The following DNAH6 variants were observed in gnomAD, a reference collection of about 807,000 sequenced individuals.
The protein encoded by DNAH6 is dynein axonemal heavy chain 6, also known as axonemal beta dynein heavy chain 6.
DNAH6 carries 340 observed loss-of-function variants against 491.4 expected under a neutral mutation model. The observed-to-expected ratio is 0.69, with a 90% CI of 0.63 to 0.76. The LOEUF (loss-of-function observed/expected upper bound fraction) is 0.76. Among genes scored for constraint, DNAH6 ranks in the 30% least tolerant of loss-of-function variants. The probability of loss-of-function intolerance (pLI) is 0.00; values close to 1 mark genes in which losing one functional copy is unlikely to be tolerated. For synonymous variants in DNAH6, 1,603 were observed against 1,686.1 expected, an observed-to-expected ratio of 0.95 and a Z score of 1.21; for missense variants, 4,443 against 4,972.2, an observed-to-expected ratio of 0.89 and a Z score of 3.20.
At chr2:84,688,941 A>G (rs1182892093) in intron 45 of DNAH6, among the ~76,000 whole-genome samples, 1 of 152,214 alleles carries the variant, frequency 6.6e-6, no homozygotes, top group African/African-American at 2.4e-5. Context: ...AGGAGCTTCA[A>G]AATTATAGCA....
chr2:84,468,102 A>T, the DNAH6 span, among the ~76,000 whole-genome samples: 1 of 152,220 alleles, frequency 6.6e-6, no homozygotes, highest in African/African-American at 2.4e-5. Flanking sequence ...AATAGTTTTT[A>T]AAGCTGTTTT....
chr2:84,553,558 G>C (rs556149778), intron 10 of DNAH6, among the ~76,000 whole-genome samples: 1 of 149,744 alleles, frequency 6.7e-6, no homozygotes, highest in African/African-American at 2.5e-5. Context: ...AACCTCCAAG[G>C]CTCAAGCAAT....
intron 53 of DNAH6, among the ~76,000 whole-genome samples, chr2:84,707,232 C>T (rs1389924021): frequency 2.6e-5 from 4 of 152,156 alleles, no homozygotes; most frequent in Admixed American, 6.5e-5. Flanking sequence ...AAACACAAAA[C>T]AGTATGTGAA....
the DNAH6 span, among the ~76,000 whole-genome samples, chr2:84,481,743 T>A: frequency 1.3e-5 from 2 of 152,330 alleles, no homozygotes; most frequent in East Asian, 3.9e-4. Flanking sequence ...AGGCAGGAAG[T>A]GACCTACCGG....
the DNAH6 span, among the ~76,000 whole-genome samples, chr2:84,506,998 C>A: frequency 1.3e-5 from 2 of 152,150 alleles, no homozygotes; most frequent in East Asian, 3.9e-4. Flanking sequence ...AGTCAGGTAG[C>A]GTGATGCCTC....
chr2:84,709,069 A>G (rs1484862403), intron 54 of DNAH6, among the ~76,000 whole-genome samples: 2 of 152,258 alleles, frequency 1.3e-5, no homozygotes, highest in Non-Finnish European at 2.9e-5. Flanking sequence ...AACCACTGCG[A>G]CAACCCAGTC....
At chr2:84,767,662 GAAGAT>G (rs571650756) in intron 64 of DNAH6, among the ~76,000 whole-genome samples, 72 of 152,174 alleles carry the variant, frequency 4.7e-4, no homozygotes, top group African/African-American at 1.7e-3. Context: ...AGATGGAAGA[GAAGAT>G]AAGAGGCAGA....
rs1343355743 is a variant in DNAH6, at chr2:84,549,996, C to T, written c.1424C>T (p.Pro475Leu). 1 of 1,613,946 alleles carries T rather than the reference C, an allele frequency of 6.2e-7. No homozygotes were observed. The highest frequency in any genetic ancestry group is 1.1e-5 in the South Asian group (1 of 91,066). ...NHLTDKLKRT[P>L]SADVIQKWIT... ...CTCACTGACAAGCTAAAACGAACAC[C>T]TTCAGCAGATGTCATTCAGAAATGG... The change falls in exon 9 of 77, where the codon CCT becomes CTT. Residue 475 changes from proline to leucine, a missense_variant. By Grantham distance (98) the Pro-to-Leu change is moderately conservative (BLOSUM62 -3). This residue lies in a region of DNAH6 where 2,977 missense variants were observed against 3,296.6 expected (regional missense o/e 0.90). Coordinates refer to ENST00000389394, the MANE Select transcript of DNAH6 (RefSeq NM_001370.2).
chr2:84,780,779 CT>C (rs200241189), intron 64 of DNAH6, among the ~76,000 whole-genome samples: 44 of 140,472 alleles, frequency 3.1e-4, no homozygotes, highest in Admixed American at 4.9e-4. Flanking sequence ...TTCGTTGAGG[CT>C]TTTTTTTTTG....
At chr2:84,770,346 C>A (rs551787025) in intron 64 of DNAH6, among the ~76,000 whole-genome samples, 1 of 152,132 alleles carries the variant, frequency 6.6e-6, no homozygotes, top group South Asian at 2.1e-4. Flanking sequence ...ATGACCCATT[C>A]AAAAACAATA....
intron 40 of DNAH6, among the ~76,000 whole-genome samples, chr2:84,675,261 T>C (rs1466135392): frequency 6.6e-6 from 1 of 152,154 alleles, no homozygotes; most frequent in Non-Finnish European, 1.5e-5. Flanking sequence ...GCTCCTGACC[T>C]CCATCTCCCT....
the DNAH6 span, among the ~76,000 whole-genome samples, chr2:84,478,665 G>A: frequency 2.0e-5 from 3 of 152,224 alleles, no homozygotes; most frequent in South Asian, 4.2e-4. Flanking sequence ...GTACCCCGGG[G>A]ACCAAGCATG....
At chr2:84,524,656 G>T (rs563990034) in intron 2 of DNAH6, among the ~76,000 whole-genome samples, 1 of 151,974 alleles carries the variant, frequency 6.6e-6, no homozygotes, top group Admixed American at 6.6e-5. Flanking sequence ...CTCAACATCT[G>T]CATATTTGTT....
intron 9 of DNAH6, among the ~76,000 whole-genome samples, chr2:84,550,899 G>A (rs947354213): frequency 6.6e-6 from 1 of 152,136 alleles, no homozygotes; most frequent in Admixed American, 6.5e-5. Flanking sequence ...CTTTTATGAG[G>A]ATGTTGATCT....
chr2:84,495,198 T>G, the DNAH6 span, among the ~76,000 whole-genome samples: 1 of 152,232 alleles, frequency 6.6e-6, no homozygotes, highest in East Asian at 1.9e-4. Flanking sequence ...AGAGTCTTGC[T>G]CTGTTGCCCA....
chr2:84,715,427 G>A, intron 57 of DNAH6, 133 bp from the exon 58 acceptor site: 3 of 715,974 alleles, frequency 4.2e-6, no homozygotes, highest in South Asian at 2.0e-5. Flanking sequence ...TAAAGTATGT[G>A]TGGGGGTAGG....
intron 33 of DNAH6, among the ~76,000 whole-genome samples, chr2:84,642,633 A>C (rs1475290314): frequency 6.6e-6 from 1 of 151,584 alleles, no homozygotes; most frequent in Non-Finnish European, 1.5e-5. Flanking sequence ...GACTTTTTTC[A>C]GTGGTTGCCC....
At chr2:84,492,980 C>T in the DNAH6 span, among the ~76,000 whole-genome samples, 4 of 151,860 alleles carry the variant, frequency 2.6e-5, no homozygotes, top group Non-Finnish European at 4.4e-5. Flanking sequence ...ACATGGTGAC[C>T]GCTTTCTATA....
At chr2:84,801,198 C>T (rs1309557874) in intron 70 of DNAH6, among the ~76,000 whole-genome samples, 2 of 137,876 alleles carry the variant, frequency 1.5e-5, no homozygotes, top group Admixed American at 1.5e-4. Context: ...TATACATATG[C>T]AACTAACCTG....
Sources: allele counts gnomAD v4.1 joint callset (sites outside exome capture counted in the v4.1 genomes callset), GRCh38; gene constraint gnomAD v4.1.1; regional missense constraint gnomAD v4.1.1; transcripts MANE v1.5; gene names NCBI Gene and HGNC (gene_info 2026-07-23, HGNC 2026-07-21).